Variants in EDARADD observed in about 807,000 individuals in gnomAD.
EDARADD encodes ectodysplasin-A receptor-associated adapter protein.
Under a neutral mutation model 25.6 loss-of-function variants are expected in EDARADD, and 20 were observed. The ratio of observed to expected loss-of-function variants is 0.78; its 90% CI spans 0.55 to 1.14. The LOEUF (loss-of-function observed/expected upper bound fraction) is 1.14. EDARADD is among the 50% of genes most tolerant of loss of function. The pLI is 0.00. For missense variants in EDARADD, 225 were observed against 270.1 expected, an observed-to-expected ratio of 0.83 and a Z score of 1.17; for synonymous variants, 86 against 94.4, an observed-to-expected ratio of 0.91 and a Z score of 0.52.
chr1:236,441,399 A>C (rs1035895296), intron 4 of EDARADD, among the ~76,000 whole-genome samples: 3 of 145,190 alleles, frequency 2.1e-5, no homozygotes, highest in African/African-American at 5.0e-5. Flanking sequence ...GAGATATATG[A>C]GATATATATA....
At chr1:236,436,250 T>C (rs2103020105) in intron 4 of EDARADD, among the ~76,000 whole-genome samples, 1 of 152,040 alleles carries the variant, frequency 6.6e-6, no homozygotes, top group East Asian at 1.9e-4. Context: ...TTCCACCTCC[T>C]GGGTTCAAGC....
intron 2 of EDARADD, 44 bp from the exon 3 acceptor site, chr1:236,414,216 C>T (rs1244051445): frequency 1.3e-6 from 2 of 1,522,720 alleles, no homozygotes; most frequent in Non-Finnish European, 9.1e-7. Flanking sequence ...TTTGATCTTA[C>T]ATGGCATTTA....
At chr1:236,390,732 A>G (rs1667412208), upstream of EDARADD, among the ~76,000 whole-genome samples, 1 of 152,132 alleles carries the variant, frequency 6.6e-6, no homozygotes, top group Non-Finnish European at 1.5e-5. Flanking sequence ...GCTCTGTTCC[A>G]TCCTACACAC....
chr1:236,398,957 C>T lies in EDARADD; in HGVS notation c.61+4452C>T, dbSNP rs1441438651. 6.6e-6 allele frequency among the ~76,000 whole-genome samples: 1 copy of T among 152,162 alleles called. No individual in the cohort carries two copies. Among genetic ancestry groups the T allele is most frequent in the Non-Finnish European group, 1.5e-5 (1 of 68,044 alleles). The stretch of plus-strand genomic sequence containing the variant: ...CACATAGTAAGCCCTGGGCAAATAC[C>T]ACCTCAGTGAATGAAGGAAGGTTAT... On this transcript the variant is annotated intron_variant, in intron 1 of 5. Transcript: ENST00000334232. The surrounding 1 kb of genome is among the most constrained non-coding windows in gnomAD (Gnocchi z 4.1).
Position 236,483,038 on chromosome 1 carries a change from C to T in EDARADD, c.*389C>T. 1.5e-6 allele frequency: 1 copy of T among 663,302 alleles called. No individual in the cohort carries two copies. Among genetic ancestry groups the T allele is most frequent in the South Asian group, 1.8e-5 (1 of 54,360 alleles). 41.1% of individuals were successfully genotyped at this position (663,302 alleles called of 1,614,324 possible). ...GACATACCCACAGCATTATATGTAA[C>T]ATCTCTCCTGATCAGTGCCATTCCC... On this transcript the variant is annotated 3_prime_UTR_variant, in exon 6 of 6. Coordinates refer to ENST00000334232, the MANE Select transcript of EDARADD (RefSeq NM_145861.4).
chr1:236,361,136 T>G (rs971329396), intron 3 of EDARADD, among the ~76,000 whole-genome samples: 1 of 152,148 alleles, frequency 6.6e-6, no homozygotes, highest in Non-Finnish European at 1.5e-5. Context: ...TGTTCATGTA[T>G]GTGTACATCT....
At chr1:236,456,123 C>T (rs771919057) in intron 4 of EDARADD, among the ~76,000 whole-genome samples, 1 of 152,206 alleles carries the variant, frequency 6.6e-6, no homozygotes, top group Admixed American at 6.5e-5. Flanking sequence ...ACTCTGTCGC[C>T]CAGGCTGGCG....
intron 3 of EDARADD, among the ~76,000 whole-genome samples, chr1:236,351,567 G>A (rs564347492): frequency 1.8e-4 from 27 of 151,988 alleles, no homozygotes; most frequent in South Asian, 4.2e-4. Flanking sequence ...AAAATTAGCC[G>A]GGCGTGGTGG....
chr1:236,363,810 T>G (rs1759371), intron 3 of EDARADD, among the ~76,000 whole-genome samples: 52,183 of 151,842 alleles, frequency 0.34, 9,218 homozygotes, highest in African/African-American at 0.42. Context: ...GCAGATGCCA[T>G]CATTGTGTTT....
chr1:236,440,775 A>G (rs2103022136), intron 4 of EDARADD, among the ~76,000 whole-genome samples: 1 of 152,184 alleles, frequency 6.6e-6, no homozygotes, highest in East Asian at 1.9e-4. Context: ...GGCACCATGA[A>G]CTGCACCCAT....
intron 4 of EDARADD, among the ~76,000 whole-genome samples, chr1:236,435,464 TG>T (rs562051974): frequency 4.6e-5 from 7 of 152,284 alleles, no homozygotes; most frequent in African/African-American, 1.7e-4. Context: ...AACTGTGTAT[TG>T]AATAAAGAAA....
In EDARADD at chr1:236,464,423, CTTTTTTTTTT is replaced by C. The variant is rs35064410; in HGVS notation, c.220-3790_220-3781del. 2.3e-3 allele frequency among the ~76,000 whole-genome samples: 167 copies of C among 72,978 alleles called. 2 individuals are homozygous for C. In the Middle Eastern group the frequency reaches 0.031, roughly 13 times the overall value. 47.9% of individuals were successfully genotyped at this position (72,978 alleles called of 152,430 possible). A position where few individuals can be genotyped will look rare whatever the true frequency, so the allele number is the denominator to read the frequency against. ...CCACCATGCGTGGTCCTTGCTGCAA[CTTTTTTTTTT>C]TTTTTTTTTTTTTTTTTGAGACAGA... On this transcript the variant is annotated intron_variant, in intron 4 of 5. Coordinates refer to ENST00000334232, the MANE Select transcript of EDARADD (RefSeq NM_145861.4).
chr1:236,370,586 G>C (rs1667162849), intron 3 of EDARADD, among the ~76,000 whole-genome samples: 1 of 152,176 alleles, frequency 6.6e-6, no homozygotes, highest in African/African-American at 2.4e-5. Context: ...TGAGCCAGGA[G>C]TGCTGATCAG....
At chr1:236,464,404 T>C (rs1242901382) in intron 4 of EDARADD, among the ~76,000 whole-genome samples, 3 of 148,854 alleles carry the variant, frequency 2.0e-5, no homozygotes, top group Non-Finnish European at 4.4e-5. Context: ...CAAGCCACCA[T>C]GCGTGGTCCT....
rs200288312 is a variant in EDARADD, at chr1:236,484,708, G to A, written c.*2059G>A. ...GGAGACAGAGTGAGAGTCCGTCCCA[G>A]AAAAAAAAAAAAAAAAAAAGAACTT... On this transcript the variant is annotated 3_prime_UTR_variant, in exon 6 of 6. Transcript: ENST00000334232. This position sits in a 1 kb window ranked among gnomAD's most constrained non-coding sequence, Gnocchi z 4.1. 0.01 allele frequency: 1,512 copies of A among 148,568 alleles called. 4 individuals are homozygous for A. The highest frequency in any genetic ancestry group is 0.02 in the South Asian group (150 of 7,622). 9.2% of individuals were successfully genotyped at this position (148,568 alleles called of 1,614,324 possible).
intron 4 of EDARADD, among the ~76,000 whole-genome samples, chr1:236,454,710 C>T (rs559852707): frequency 4.6e-5 from 7 of 152,276 alleles, no homozygotes; most frequent in Middle Eastern, 3.4e-3. Context: ...AGAGTTGGCC[C>T]GGGGCCTGGC....
At chr1:236,373,038 C>T (rs1667189745) in intron 3 of EDARADD, among the ~76,000 whole-genome samples, 1 of 150,844 alleles carries the variant, frequency 6.6e-6, no homozygotes, top group African/African-American at 2.4e-5. Flanking sequence ...GCCTCAGCCT[C>T]CCGATTAGCT....
rs1659695626 is a variant in EDARADD at position 236,482,201 on chromosome 1, T to C, written c.266-66T>C. 5 of 1,568,250 alleles carry C rather than the reference T, an allele frequency of 3.2e-6. No individual in the cohort carries two copies. In the South Asian group the frequency reaches 5.6e-5, roughly 17 times the overall value. On this transcript the variant is annotated intron_variant, in intron 5 of 5. Transcript: ENST00000334232. ...GACAATTCAGCAGGAAAATAAAGGA[T>C]GTAAGAAATGAATGCATATGTTAGG...
chr1:236,481,049 C>G (rs6699044), intron 5 of EDARADD, among the ~76,000 whole-genome samples: 84,613 of 152,072 alleles, frequency 0.56, 24,189 homozygotes, highest in Non-Finnish European at 0.61. Flanking sequence ...GCAGAGGGCT[C>G]ATAAGGGGGC....
Sources: allele counts gnomAD v4.1 joint callset (sites outside exome capture counted in the v4.1 genomes callset), GRCh38; gene constraint gnomAD v4.1.1; non-coding constraint Gnocchi (gnomAD v3.1); transcripts MANE v1.5; gene names NCBI Gene and HGNC (gene_info 2026-07-23, HGNC 2026-07-21).